Variants in AFG1L observed in about 807,000 individuals in gnomAD.
AFG1L encodes AFG1-like ATPase.
A neutral mutation model predicts 62.2 loss-of-function variants in AFG1L; 53 were observed. That is an observed-to-expected ratio of 0.85 (90% CI 0.68 to 1.07). The LOEUF is 1.07. Among genes scored for constraint, AFG1L ranks in the 50% least tolerant of loss-of-function variants. The pLI is 0.00. For missense variants in AFG1L, 555 were observed against 590.5 expected (o/e 0.94, Z 0.62); for synonymous variants, 228 against 210.3 (o/e 1.08, Z -0.73).
intron 1 of AFG1L, among the ~76,000 whole-genome samples, chr6:108,311,554 G>A (rs987096535): frequency 2.0e-5 from 3 of 151,832 alleles, no homozygotes; most frequent in African/African-American, 7.3e-5. Flanking sequence ...TGAGATAGAT[G>A]TGTTGGTGTG....
At chr6:108,391,571 C>T (rs927741281) in intron 6 of AFG1L, among the ~76,000 whole-genome samples, 6 of 152,174 alleles carry the variant, frequency 3.9e-5, no homozygotes, top group Non-Finnish European at 8.8e-5. Flanking sequence ...TTCTCCCACT[C>T]TGTGCGTTGT....
At chr6:108,500,793 T>C (rs1409666245) in intron 10 of AFG1L, among the ~76,000 whole-genome samples, 1 of 152,228 alleles carries the variant, frequency 6.6e-6, no homozygotes, top group African/African-American at 2.4e-5. Context: ...CATTCCCTTT[T>C]CTCCACATTC....
intron 7 of AFG1L, among the ~76,000 whole-genome samples, chr6:108,412,374 A>C (rs1355513637): frequency 6.6e-6 from 1 of 152,236 alleles, no homozygotes; most frequent in Non-Finnish European, 1.5e-5. Flanking sequence ...TCCCAAACCT[A>C]GTGAGGCAGG....
chr6:108,442,076 C>T (rs970026411), intron 7 of AFG1L, among the ~76,000 whole-genome samples: 6 of 152,034 alleles, frequency 3.9e-5, no homozygotes, highest in Middle Eastern at 6.8e-3. Context: ...TATTTGATGT[C>T]TGTAGTAAAG....
At chr6:108,426,432 A>G (rs1458603555) in intron 7 of AFG1L, among the ~76,000 whole-genome samples, 3 of 152,172 alleles carry the variant, frequency 2.0e-5, no homozygotes, top group Non-Finnish European at 4.4e-5. Flanking sequence ...TGTGTTTGGT[A>G]GTATAGTTAT....
intron 6 of AFG1L, among the ~76,000 whole-genome samples, chr6:108,401,748 T>C (rs1781626750): frequency 6.6e-6 from 1 of 152,170 alleles, no homozygotes; most frequent in Non-Finnish European, 1.5e-5. Flanking sequence ...TATTGTCTCA[T>C]TACAGTTTAA....
At chr6:108,330,783 A>G (rs1778249282) in intron 2 of AFG1L, among the ~76,000 whole-genome samples, 1 of 152,218 alleles carries the variant, frequency 6.6e-6, no homozygotes, top group Non-Finnish European at 1.5e-5. Context: ...TGAACTTTAA[A>G]TAACAAATAC....
chr6:108,342,735 G>A (rs998394265), intron 2 of AFG1L, among the ~76,000 whole-genome samples: 2 of 152,106 alleles, frequency 1.3e-5, no homozygotes, highest in Non-Finnish European at 2.9e-5. Flanking sequence ...AATACGTGGA[G>A]TATATAATAT....
intron 2 of AFG1L, 35 bp downstream of exon 2, chr6:108,324,083 AAAAGT>A (rs757135188): frequency 6.7e-7 from 1 of 1,482,336 alleles, no homozygotes; most frequent in South Asian, 1.2e-5. Context: ...TTAAACAGTT[AAAAGT>A]GTAAGCATTT....
At chr6:108,352,812 T>C (rs1779135625) in intron 3 of AFG1L, among the ~76,000 whole-genome samples, 1 of 152,150 alleles carries the variant, frequency 6.6e-6, no homozygotes, top group South Asian at 2.1e-4. Flanking sequence ...GTAATCTGCC[T>C]GCCTTGGACT....
intron 1 of AFG1L, among the ~76,000 whole-genome samples, chr6:108,321,416 A>G (rs898689248): frequency 1.3e-5 from 2 of 152,148 alleles, no homozygotes; most frequent in Non-Finnish European, 2.9e-5. Context: ...ACAGAGCTCA[A>G]TCTCTAACCC....
intron 6 of AFG1L, among the ~76,000 whole-genome samples, chr6:108,380,539 C>T (rs551044058): frequency 3.3e-5 from 5 of 152,306 alleles, no homozygotes; most frequent in Admixed American, 3.3e-4. Context: ...AGCACAATTC[C>T]AGCACCTACT....
rs141756676 is a variant in AFG1L at position 108,519,701 on chromosome 6, G to A, written c.1208G>A (p.Arg403His). The A allele has an allele frequency of 2.3e-4, 355 of 1,573,520 alleles. No individual in the cohort carries two copies. Among genetic ancestry groups the A allele is most frequent in the Middle Eastern group, 1.3e-3 (8 of 5,960 alleles). The part of the protein sequence containing the change: ...LIDNFYDLKV[R>H]IICSASTPIS... ...ACCCATTTTCTTCTATTTCAGGTGC[G>A]TATAATTTGCTCTGCGTCGACTCCT... The change falls in exon 12 of 13, where the codon CGT becomes CAT. Residue 403 changes from arginine to histidine, a missense_variant. Transcript: ENST00000368977.
intron 3 of AFG1L, among the ~76,000 whole-genome samples, chr6:108,354,477 G>T (rs951098854): frequency 6.6e-6 from 1 of 151,936 alleles, no homozygotes; most frequent in Non-Finnish European, 1.5e-5. Flanking sequence ...GCTAATTTTT[G>T]TACTTTTAGT....
At chr6:108,461,833 A>G (rs930887567) in intron 8 of AFG1L, among the ~76,000 whole-genome samples, 7 of 152,106 alleles carry the variant, frequency 4.6e-5, no homozygotes, top group Non-Finnish European at 1.0e-4. Flanking sequence ...GGTGGCTCAC[A>G]CATGTAATCC....
At chr6:108,409,394 C>A (rs1319673299) in intron 7 of AFG1L, among the ~76,000 whole-genome samples, 2 of 152,026 alleles carry the variant, frequency 1.3e-5, no homozygotes, top group Non-Finnish European at 2.9e-5. Context: ...AACATGGGTC[C>A]TATCTGTAGA....
chr6:108,379,742 C>T (rs1166632255), intron 6 of AFG1L, among the ~76,000 whole-genome samples: 1 of 152,224 alleles, frequency 6.6e-6, no homozygotes, highest in Non-Finnish European at 1.5e-5. Context: ...CTAAGCTCCT[C>T]ATCCAGGAGA....
At chr6:108,421,810 A>G (rs965429083) in intron 7 of AFG1L, among the ~76,000 whole-genome samples, 1 of 152,102 alleles carries the variant, frequency 6.6e-6, no homozygotes, top group African/African-American at 2.4e-5. Context: ...GTTTTCTTAA[A>G]TCAACACTTC....
intron 2 of AFG1L, among the ~76,000 whole-genome samples, chr6:108,346,003 AAAG>A (rs904756758): frequency 2.0e-5 from 3 of 152,262 alleles, no homozygotes; most frequent in South Asian, 2.1e-4. Flanking sequence ...CCCATCTGGG[AAAG>A]AAGAAGGGAA....
Sources: gnomAD v4.1 joint callset for allele counts (sites outside exome capture counted in the v4.1 genomes callset) on GRCh38, gnomAD v4.1.1 for gene constraint, MANE v1.5 for transcripts, NCBI Gene and HGNC (gene_info 2026-07-23, HGNC 2026-07-21) for gene names.